The following LRCH1 variants were observed in gnomAD, a reference collection of about 807,000 sequenced individuals.
LRCH1 encodes leucine rich repeats and calponin homology domain containing 1.
In LRCH1, 23 loss-of-function variants were observed where a neutral mutation model predicts 94.9. The observed-to-expected ratio is 0.24, with a 90% confidence interval of 0.17 to 0.34. LRCH1 has a LOEUF of 0.34. Ranked by LOEUF, LRCH1 falls within the 10% of genes least tolerant of loss-of-function variation. LRCH1 has a pLI of 1.00. For missense variants in LRCH1, 790 were observed against 945.9 expected (o/e 0.84, Z 2.16); for synonymous variants, 364 against 354.9 (o/e 1.03, Z -0.29).
intron 1 of LRCH1, among the ~76,000 whole-genome samples, chr13:46,557,992 G>A (rs778133964): frequency 1.4e-4 from 22 of 152,158 alleles, no homozygotes; most frequent in Non-Finnish European, 2.4e-4. Context: ...AGCCATGATC[G>A]CGCCACTGCA....
chr13:46,627,921 C>T (rs1265414172), intron 1 of LRCH1, among the ~76,000 whole-genome samples: 1 of 152,170 alleles, frequency 6.6e-6, no homozygotes, highest in Admixed American at 6.5e-5. Context: ...ATTCAATATA[C>T]ATATTCCTGA....
chr13:46,602,961 TGC>T (rs1491166194), intron 1 of LRCH1, among the ~76,000 whole-genome samples: 142 of 121,748 alleles, frequency 1.2e-3, no homozygotes, highest in African/African-American at 4.6e-3. Context: ...AATACATACA[TGC>T]ATACATACAT....
intron 1 of LRCH1, among the ~76,000 whole-genome samples, chr13:46,581,427 A>G (rs1188539338): frequency 6.6e-6 from 1 of 152,226 alleles, no homozygotes; most frequent in African/African-American, 2.4e-5. Context: ...GTGGGACAGA[A>G]AAGATTCAAA....
intron 2 of LRCH1, among the ~76,000 whole-genome samples, chr13:46,653,382 G>A (rs2051331324): frequency 6.6e-6 from 1 of 151,974 alleles, no homozygotes; most frequent in Non-Finnish European, 1.5e-5. Flanking sequence ...AAAATTTGAG[G>A]AAAAGCTTAT....
chr13:46,623,472 G>A (rs1479191307), intron 1 of LRCH1, among the ~76,000 whole-genome samples: 1 of 152,054 alleles, frequency 6.6e-6, no homozygotes, highest in East Asian at 1.9e-4. Context: ...TACCAGTAAG[G>A]CAAAGTGGCC....
intron 2 of LRCH1, among the ~76,000 whole-genome samples, chr13:46,653,994 A>G (rs1336476206): frequency 6.6e-6 from 1 of 152,204 alleles, no homozygotes; most frequent in African/African-American, 2.4e-5. Context: ...TGAAATTGAG[A>G]TATTTATCAG....
At chr13:46,724,152 C>T (rs566642691) in intron 17 of LRCH1, among the ~76,000 whole-genome samples, 2 of 152,026 alleles carry the variant, frequency 1.3e-5, no homozygotes, top group Non-Finnish European at 2.9e-5. Context: ...CCACACTCAG[C>T]TAATTTTTTG....
intron 1 of LRCH1, among the ~76,000 whole-genome samples, chr13:46,558,554 G>A (rs1354798495): frequency 4.4e-5 from 4 of 91,148 alleles, no homozygotes; most frequent in African/African-American, 1.7e-4. Context: ...TGGCCAAGAC[G>A]GTGAAACCCT....
At chr13:46,570,504 G>A (rs1594251154) in intron 1 of LRCH1, among the ~76,000 whole-genome samples, 1 of 152,264 alleles carries the variant, frequency 6.6e-6, no homozygotes, top group East Asian at 1.9e-4. Flanking sequence ...AATTAAACCA[G>A]GTCTTTCTGC....
chr13:46,708,188 T>C (rs1370027326), intron 13 of LRCH1, among the ~76,000 whole-genome samples: 1 of 151,834 alleles, frequency 6.6e-6, no homozygotes, highest in African/African-American at 2.4e-5. Flanking sequence ...GTAATGTGAA[T>C]GGGTATGGAA....
intron 2 of LRCH1, among the ~76,000 whole-genome samples, chr13:46,651,576 G>A (rs2051299162): frequency 6.6e-6 from 1 of 151,396 alleles, no homozygotes. Context: ...CAGGAGAATC[G>A]CTTGAACCCG....
intron 1 of LRCH1, among the ~76,000 whole-genome samples, chr13:46,565,045 T>A (rs561617516): frequency 6.6e-6 from 1 of 152,364 alleles, no homozygotes; most frequent in East Asian, 1.9e-4. Context: ...ACATGGCTAC[T>A]ACTTCACTTC....
At chr13:46,573,866 A>ATTTTT (rs540821255) in intron 1 of LRCH1, among the ~76,000 whole-genome samples, 43 of 63,320 alleles carry the variant, frequency 6.8e-4, no homozygotes, top group Non-Finnish European at 8.9e-4. Context: ...ATATATATAT[A>ATTTTT]TTTTTTTTTT....
At chr13:46,586,296 A>C (rs2050434694) in intron 1 of LRCH1, among the ~76,000 whole-genome samples, 1 of 152,238 alleles carries the variant, frequency 6.6e-6, no homozygotes, top group African/African-American at 2.4e-5. Flanking sequence ...GTTGTTGCCC[A>C]GGAAGGTCTC....
At chr13:46,714,453 C>T (rs1872223318) in intron 15 of LRCH1, among the ~76,000 whole-genome samples, 1 of 152,190 alleles carries the variant, frequency 6.6e-6, no homozygotes, top group Non-Finnish European at 1.5e-5. Flanking sequence ...TTAAAAGAAA[C>T]CACTTTTGAT....
intron 2 of LRCH1, among the ~76,000 whole-genome samples, chr13:46,652,267 G>A (rs1432332147): frequency 1.4e-4 from 22 of 151,820 alleles, no homozygotes; most frequent in Admixed American, 1.4e-3. Flanking sequence ...TAGTAGAGGC[G>A]GGGTTTCACC....
At chr13:46,720,870 T>C (rs563433581) in intron 16 of LRCH1, among the ~76,000 whole-genome samples, 1 of 152,352 alleles carries the variant, frequency 6.6e-6, no homozygotes, top group Admixed American at 6.5e-5. Flanking sequence ...AGTTCTCTTA[T>C]ATGTCATAGT....
At position 46,692,544 on chromosome 13, in the gene LRCH1, C is replaced by T. The variant is rs769156959; in HGVS notation, c.1023C>T (p.Asp341=). 8.7e-6 allele frequency: 14 copies of T among 1,612,554 alleles called. No individual in the cohort carries two copies. In the Admixed American group the frequency reaches 1.5e-4, roughly 17 times the overall value. Residue 341 remains aspartate (D), a synonymous_variant, in exon 8 of 20, where the codon GAC becomes GAT. Coordinates refer to ENST00000389797, the MANE Select transcript of LRCH1 (RefSeq NM_001164211.2). ...GCACTGTATCTTTTTAGCCTTCTGA[C>T]GAAGACACTGTTAGCCTCAATGTGC... is the stretch of plus-strand genomic sequence containing the variant. The part of the protein sequence containing the change: ...DKRLSATEPS[D]EDTVSLNVPM...
rs1296287378 is a variant in LRCH1, at chr13:46,662,395, AT to A, written c.453-6633del. On this transcript the variant is annotated intron_variant, in intron 2 of 19. Coordinates refer to ENST00000389797, the MANE Select transcript of LRCH1 (RefSeq NM_001164211.2). ...TTAATACTTAAAAGCCCACATCTAC[AT>A]TGTTGCCTCTAAAAGTGTTTGCAAA... is the stretch of plus-strand genomic sequence containing the variant. Among the ~76,000 whole-genome samples the A allele has an allele frequency of 1.5e-4, 23 of 152,316 alleles. 1 individual carries two copies. Among genetic ancestry groups the A allele is most frequent in the Non-Finnish European group, 2.6e-4 (18 of 68,034 alleles).
Sources: allele counts gnomAD v4.1 joint callset (sites outside exome capture counted in the v4.1 genomes callset), GRCh38; gene constraint gnomAD v4.1.1; transcripts MANE v1.5; gene names NCBI Gene and HGNC (gene_info 2026-07-23, HGNC 2026-07-21).